The following PSEN1 variants were observed in gnomAD, a reference collection of about 807,000 sequenced individuals.
The protein encoded by PSEN1 is presenilin 1, also known as presenilin-1.
A neutral mutation model predicts 53.5 loss-of-function variants in PSEN1; 15 were observed. The ratio of observed to expected loss-of-function variants is 0.28; its 90% CI spans 0.19 to 0.43. The LOEUF (loss-of-function observed/expected upper bound fraction) is 0.43, where lower values mean the gene tolerates loss of function less well. PSEN1 is among the 20% of genes least tolerant of loss of function. PSEN1 has a pLI of 1.00. For synonymous variants in PSEN1, 208 were observed against 209.8 expected (o/e 0.99, Z 0.08); for missense variants, 387 against 571.2 (o/e 0.68, Z 3.29).
Position 73,198,146 on chromosome 14 carries a change from G to A in PSEN1, c.868+17G>A. ...TTTACTCCTGTAAGTATTTGAGAAG[G>A]ATATTGAATTAGTAATCAGTGTAGA... is the stretch of plus-strand genomic sequence containing the variant. On this transcript the variant is annotated intron_variant, in intron 8 of 11. Coordinates refer to ENST00000324501, the MANE Select transcript of PSEN1 (RefSeq NM_000021.4). The A allele has an allele frequency of 7.3e-7, 1 of 1,361,092 alleles. No individual in the cohort carries two copies. The highest frequency in any genetic ancestry group is 1.0e-6 in the Non-Finnish European group (1 of 952,454). The allele number at this position is 1,361,092 out of a possible 1,614,324, so 84.3% of individuals were successfully genotyped here. A position where few individuals can be genotyped will look rare whatever the true frequency, so the allele number is the denominator to read the frequency against.
At chr14:73,150,903 TA>T (rs966333365) in intron 3 of PSEN1, among the ~76,000 whole-genome samples, 3 of 150,684 alleles carry the variant, frequency 2.0e-5, no homozygotes, top group Non-Finnish European at 4.4e-5. Context: ...CCGTCTCTAC[TA>T]AAAAAATACA....
At chr14:73,203,869 C>G (rs1387081451) in intron 8 of PSEN1, among the ~76,000 whole-genome samples, 1 of 152,162 alleles carries the variant, frequency 6.6e-6, no homozygotes, top group Non-Finnish European at 1.5e-5. Context: ...ATTTTTAAAT[C>G]TGCATATTTT....
chr14:73,209,628 A>C (rs1345796512), intron 9 of PSEN1, among the ~76,000 whole-genome samples: 1 of 152,258 alleles, frequency 6.6e-6, no homozygotes, highest in African/African-American at 2.4e-5. Context: ...ATTATTACAT[A>C]AATAATTCAT....
intron 5 of PSEN1, among the ~76,000 whole-genome samples, chr14:73,177,159 T>C (rs1463374223): frequency 1.3e-5 from 2 of 152,238 alleles, no homozygotes; most frequent in Admixed American, 1.3e-4. Flanking sequence ...CTTTTTCGTC[T>C]CTCCCATTAC....
intron 1 of PSEN1, among the ~76,000 whole-genome samples, chr14:73,141,530 C>T (rs550173655): frequency 6.6e-6 from 1 of 152,284 alleles, no homozygotes; most frequent in Non-Finnish European, 1.5e-5. Context: ...CAGTGGCTCA[C>T]GCCTGTAATC....
intron 3 of PSEN1, among the ~76,000 whole-genome samples, chr14:73,165,958 A>C (rs1410394854): frequency 2.0e-5 from 3 of 152,152 alleles, no homozygotes; most frequent in Non-Finnish European, 4.4e-5. Context: ...CGGGAGGCTG[A>C]CGCGGGAGAA....
In PSEN1 at chr14:73,219,361, T is replaced by G; in HGVS notation, c.*72T>G. The G allele has an allele frequency of 6.8e-7, 1 of 1,473,188 alleles. No homozygotes were observed. The allele number at this position is 1,473,188 out of a possible 1,614,324, so 91.3% of individuals were successfully genotyped here. A position where few individuals can be genotyped will look rare whatever the true frequency, so the allele number is the denominator to read the frequency against. On this transcript the variant is annotated 3_prime_UTR_variant, in exon 12 of 12. Transcript: ENST00000324501. ...CAAAATCTGGGGAGGACAAAGGTGA[T>G]TTTCCTGTGTCCACATCTAACAAAG...
At chr14:73,195,298 G>C (rs556401968) in intron 7 of PSEN1, among the ~76,000 whole-genome samples, 14 of 151,964 alleles carry the variant, frequency 9.2e-5, no homozygotes, top group Non-Finnish European at 2.1e-4. Flanking sequence ...TCAGCCTTCC[G>C]AGTAGCTGGG....
At chr14:73,217,942 C>T (rs1899984332) in intron 11 of PSEN1, among the ~76,000 whole-genome samples, 1 of 151,800 alleles carries the variant, frequency 6.6e-6, no homozygotes, top group Non-Finnish European at 1.5e-5. Flanking sequence ...TGCCTGCCAC[C>T]ACGCCCGGCT....
chr14:73,208,919 A>G, intron 9 of PSEN1: 1 of 454,274 alleles, frequency 2.2e-6, no homozygotes, highest in Non-Finnish European at 4.4e-6. Context: ...GCCCACGGTA[A>G]GCTGCCTTCA....
At chr14:73,156,614 T>C (rs1417743826) in intron 3 of PSEN1, among the ~76,000 whole-genome samples, 3 of 151,926 alleles carry the variant, frequency 2.0e-5, no homozygotes, top group African/African-American at 7.2e-5. Flanking sequence ...TGGGCTTCAT[T>C]GTACATTTCT....
intron 5 of PSEN1, among the ~76,000 whole-genome samples, chr14:73,178,794 G>A (rs539500632): frequency 1.3e-5 from 2 of 152,190 alleles, no homozygotes; most frequent in South Asian, 4.1e-4. Flanking sequence ...TATGCTCCAA[G>A]GATTTTGATA....
At position 73,170,713 on chromosome 14, in the gene PSEN1, G is replaced by GTCTGTTGTTA. The variant is rs1897859483; in HGVS notation, c.88-83_88-74dup. 1.1e-5 allele frequency: 15 copies of GTCTGTTGTTA among 1,427,276 alleles called. No homozygotes were observed. In the Admixed American group the frequency reaches 1.3e-4, roughly 12 times the overall value. The allele number at this position is 1,427,276 out of a possible 1,614,324, so 88.4% of individuals were successfully genotyped here. On this transcript the variant is annotated intron_variant, in intron 3 of 11. Transcript: ENST00000324501. ...AGGTTTTTAGAACTCATAGTGACGGGTCTGTTGTTAATCCCAGGTCTAACC... is the reference window on the plus strand; with the variant it reads ...AGGTTTTTAGAACTCATAGTGACGGGTCTGTTGTTATCTGTTGTTAATCCCAGGTCTAACC...
intron 8 of PSEN1, among the ~76,000 whole-genome samples, chr14:73,205,030 G>A (rs1899394395): frequency 2.0e-5 from 3 of 152,138 alleles, no homozygotes; most frequent in African/African-American, 7.2e-5. Context: ...AATGAAACTT[G>A]GTTGACCTCA....
intron 5 of PSEN1, among the ~76,000 whole-genome samples, chr14:73,177,762 T>C (rs1368527051): frequency 6.6e-6 from 1 of 152,222 alleles, no homozygotes; most frequent in Non-Finnish European, 1.5e-5. Context: ...CTTCTAAAAG[T>C]AATACATTGT....
rs1044610808 is a variant in PSEN1 at position 73,221,825 on chromosome 14, G to A, written c.*2536G>A. 2 of 152,116 alleles carry A rather than the reference G, an allele frequency of 1.3e-5. No individual in the cohort carries two copies. Among genetic ancestry groups the A allele is most frequent in the African/African-American group, 4.8e-5 (2 of 41,412 alleles). 9.4% of individuals were successfully genotyped at this position (152,116 alleles called of 1,614,324 possible). A position where few individuals can be genotyped will look rare whatever the true frequency, so the allele number is the denominator to read the frequency against. ...CACCATGAAAAATAGATTGTCACTG[G>A]AAAGAACAGTAGCAATTTCCATAAG... On this transcript the variant is annotated 3_prime_UTR_variant, in exon 12 of 12. Coordinates refer to ENST00000324501, the MANE Select transcript of PSEN1 (RefSeq NM_000021.4).
At chr14:73,141,574 G>C (rs898091779) in intron 1 of PSEN1, among the ~76,000 whole-genome samples, 1 of 152,000 alleles carries the variant, frequency 6.6e-6, no homozygotes, top group African/African-American at 2.4e-5. Flanking sequence ...GAGGTCAGGA[G>C]TTCGAGACCA....
chr14:73,148,849 C>T (rs1897142056), intron 3 of PSEN1, among the ~76,000 whole-genome samples: 1 of 152,146 alleles, frequency 6.6e-6, no homozygotes, highest in Non-Finnish European at 1.5e-5. Flanking sequence ...AGGAGAATCG[C>T]TGGAACCCAG....
intron 6 of PSEN1, among the ~76,000 whole-genome samples, chr14:73,187,284 G>A (rs1039569953): frequency 3.3e-5 from 5 of 152,038 alleles, no homozygotes; most frequent in African/African-American, 1.2e-4. Context: ...TTTTATCAGT[G>A]ACTCTTTTTT....
Sources: gnomAD v4.1 joint callset for allele counts (sites outside exome capture counted in the v4.1 genomes callset) on GRCh38, gnomAD v4.1.1 for gene constraint, MANE v1.5 for transcripts, NCBI Gene and HGNC (gene_info 2026-07-23, HGNC 2026-07-21) for gene names.